Variants in PRDM2 observed in about 807,000 individuals in gnomAD.
PRDM2 encodes PR/SET domain 2, also known as PR domain zinc finger protein 2.
A neutral mutation model predicts 130.0 loss-of-function variants in PRDM2; 30 were observed. The observed-to-expected ratio is 0.23, with a 90% CI of 0.17 to 0.31. PRDM2 has a LOEUF of 0.31. Ranked by LOEUF, PRDM2 falls within the 10% of genes least tolerant of loss-of-function variation. The pLI is 1.00. For synonymous variants in PRDM2, 871 were observed against 782.4 expected (o/e 1.11, Z -1.89); for missense variants, 2,011 against 2,108.4 (o/e 0.95, Z 0.90).
chr1:13,731,337 AACAC>A (rs375806046), intron 3 of PRDM2, among the ~76,000 whole-genome samples: 1 of 150,728 alleles, frequency 6.6e-6, no homozygotes, highest in Non-Finnish European at 1.5e-5. Context: ...CACACACACA[AACAC>A]ACACACACAC....
intron 2 of PRDM2, among the ~76,000 whole-genome samples, chr1:13,728,172 G>C (rs1392010754): frequency 6.6e-6 from 1 of 152,110 alleles, no homozygotes; most frequent in Non-Finnish European, 1.5e-5. Flanking sequence ...AGCTTACAAA[G>C]AGCCATGTAC....
intron 6 of PRDM2, among the ~76,000 whole-genome samples, chr1:13,751,785 T>C (rs1643849961): frequency 6.6e-6 from 1 of 152,200 alleles, no homozygotes; most frequent in African/African-American, 2.4e-5. Context: ...GTTCTGGACC[T>C]CAGCTCCTTT....
intron 5 of PRDM2, among the ~76,000 whole-genome samples, chr1:13,743,244 C>G (rs537524148): frequency 6.6e-6 from 1 of 151,586 alleles, no homozygotes; most frequent in African/African-American, 2.4e-5. Context: ...CTAAAAAATA[C>G]AAAAAATAAG....
At chr1:13,764,271 C>T (rs933005485) in intron 6 of PRDM2, among the ~76,000 whole-genome samples, 2 of 151,950 alleles carry the variant, frequency 1.3e-5, no homozygotes, top group East Asian at 3.9e-4. Context: ...GAATTAGGTT[C>T]TTTATTTTGT....
chr1:13,784,279 A>G (rs1644687917), intron 8 of PRDM2, among the ~76,000 whole-genome samples: 1 of 152,166 alleles, frequency 6.6e-6, no homozygotes, highest in Admixed American at 6.5e-5. Flanking sequence ...GTTTGTGCTC[A>G]GTCTGTGTTC....
intron 2 of PRDM2, chr1:13,722,748 C>G (rs1472950122): frequency 2.2e-6 from 1 of 461,082 alleles, no homozygotes; most frequent in Non-Finnish European, 4.4e-6. Context: ...GATGAGCCCT[C>G]AGGTGACTTA....
rs540731969 is a variant in PRDM2 at position 13,751,394 on chromosome 1, G to T, written c.511+1907G>T. Among the ~76,000 whole-genome samples the T allele has an allele frequency of 5.7e-3, 871 of 152,228 alleles. 4 individuals are homozygous for T. Among genetic ancestry groups the T allele is most frequent in the Non-Finnish European group, 8.4e-3 (568 of 68,014 alleles). ...ACAGTCTGTTTTTAACAGCTTACTG[G>T]TTAAAGAGACCTATTTGCTCTTTAA... On this transcript the variant is annotated intron_variant, in intron 6 of 9. Coordinates refer to ENST00000311066, the MANE Select transcript of PRDM2 (RefSeq NM_001393986.1).
At chr1:13,774,365 T>C (rs1434044664) in intron 7 of PRDM2, among the ~76,000 whole-genome samples, 3 of 152,212 alleles carry the variant, frequency 2.0e-5, no homozygotes, top group Admixed American at 6.5e-5. Flanking sequence ...TTAAGAAATA[T>C]TTGTAGAGGA....
intron 7 of PRDM2, among the ~76,000 whole-genome samples, chr1:13,774,967 C>CA (rs35869788): frequency 0.25 from 24,564 of 99,196 alleles, 2,637 homozygotes; most frequent in Admixed American, 0.34. Flanking sequence ...GACTCCGTCT[C>CA]AAAAAAAAAA....
chr1:13,805,854 G>C (rs561515429), intron 8 of PRDM2, among the ~76,000 whole-genome samples: 26 of 152,210 alleles, frequency 1.7e-4, no homozygotes, highest in Non-Finnish European at 3.1e-4. Context: ...GGTCTGGCAG[G>C]GAGCTTGGAA....
At chr1:13,794,676 A>G (rs2100715069) in intron 8 of PRDM2, among the ~76,000 whole-genome samples, 1 of 152,332 alleles carries the variant, frequency 6.6e-6, no homozygotes, top group Middle Eastern at 3.4e-3. Flanking sequence ...TGTTCACCCC[A>G]GTGAGTGCTG....
chr1:13,802,440 G>A (rs775390087), intron 8 of PRDM2, among the ~76,000 whole-genome samples: 3 of 152,178 alleles, frequency 2.0e-5, no homozygotes, highest in Non-Finnish European at 4.4e-5. Flanking sequence ...TCCCTGGACC[G>A]GTTCCGGGTC....
chr1:13,817,584 A>C (rs1442740781), intron 9 of PRDM2, among the ~76,000 whole-genome samples: 1 of 151,620 alleles, frequency 6.6e-6, no homozygotes, highest in East Asian at 1.9e-4. Context: ...ATACATCAGA[A>C]GATCTAGGAT....
intron 8 of PRDM2, among the ~76,000 whole-genome samples, chr1:13,799,410 A>C (rs1050918519): frequency 1.3e-5 from 2 of 150,606 alleles, no homozygotes; most frequent in Non-Finnish European, 3.0e-5. Context: ...GCGCCATTGC[A>C]CTCCAGCCTG....
intron 4 of PRDM2, among the ~76,000 whole-genome samples, chr1:13,737,056 T>C (rs984795046): frequency 6.6e-6 from 1 of 152,260 alleles, no homozygotes; most frequent in Non-Finnish European, 1.5e-5. Context: ...CTATCTCAGT[T>C]CTTCTGATTT....
chr1:13,800,881 T>C (rs993868964), intron 8 of PRDM2, among the ~76,000 whole-genome samples: 2 of 151,982 alleles, frequency 1.3e-5, no homozygotes, highest in African/African-American at 4.8e-5. Flanking sequence ...GCAGGCAGAG[T>C]TGGGAATGCT....
At chr1:13,746,168 G>A (rs896748903) in intron 5 of PRDM2, among the ~76,000 whole-genome samples, 5 of 152,030 alleles carry the variant, frequency 3.3e-5, no homozygotes, top group Admixed American at 6.6e-5. Context: ...GAGAAAGTGG[G>A]AAGAGTTTAA....
Position 13,780,954 on chromosome 1 carries a change from T to C in PRDM2, c.3159T>C (p.Ser1053=). Residue 1053 remains serine, a synonymous_variant, in exon 8 of 10, where the codon TCT becomes TCC. Transcript: ENST00000311066. Reference sequence around the variant, plus strand: ...CACCCGGGCCTCCAACACTTTCTTCTTCCTCCTCTTCATCTTCCTCCTCCT... The same window carrying C: ...CACCCGGGCCTCCAACACTTTCTTCCTCCTCCTCTTCATCTTCCTCCTCCT... ...AASPGPPTLS[S]SSSSSSSSSS... is the part of the protein sequence containing the mutation. 1 of 1,607,122 alleles carries C rather than the reference T, an allele frequency of 6.2e-7. No homozygotes were observed. The highest frequency in any genetic ancestry group is 8.5e-7 in the Non-Finnish European group (1 of 1,173,918).
intron 2 of PRDM2, among the ~76,000 whole-genome samples, chr1:13,726,599 CTTTGAG>C (rs1279539882): frequency 6.6e-6 from 1 of 152,112 alleles, no homozygotes; most frequent in African/African-American, 2.4e-5. Context: ...TAGTGACTTT[CTTTGAG>C]TTTGAGGTAG....
Sources: allele counts gnomAD v4.1 joint callset (sites outside exome capture counted in the v4.1 genomes callset), GRCh38; gene constraint gnomAD v4.1.1; transcripts MANE v1.5; gene names NCBI Gene and HGNC (gene_info 2026-07-23, HGNC 2026-07-21).